PDE9A: variants seen among roughly 807,000 people sequenced by gnomAD.
PDE9A encodes phosphodiesterase 9A, also known as high affinity cGMP-specific 3',5'-cyclic phosphodiesterase 9A.
A neutral mutation model predicts 87.4 loss-of-function variants in PDE9A; 60 were observed. The observed-to-expected ratio is 0.69, with a 90% CI of 0.56 to 0.85. The LOEUF (loss-of-function observed/expected upper bound fraction) is 0.85. Among genes scored for constraint, PDE9A ranks in the 40% least tolerant of loss-of-function variants. The pLI is 0.00. For synonymous variants in PDE9A, 272 were observed against 279.4 expected (o/e 0.97, Z 0.27); for missense variants, 665 against 779.0 (o/e 0.85, Z 1.74).
intron 10 of PDE9A, chr21:42,758,674 TG>T (rs2055337094): frequency 3.3e-6 from 1 of 301,916 alleles, no homozygotes; most frequent in Non-Finnish European, 6.3e-6. Flanking sequence ...TGTGAACGGG[TG>T]CACTCTCTCA....
chr21:42,767,592 A>G (rs1219897099), intron 15 of PDE9A, among the ~76,000 whole-genome samples: 1 of 152,188 alleles, frequency 6.6e-6, no homozygotes, highest in Non-Finnish European at 1.5e-5. Context: ...TGCAGCCCGC[A>G]GCCCGGGGGC....
intron 1 of PDE9A, among the ~76,000 whole-genome samples, chr21:42,683,200 G>A (rs116143147): frequency 6.6e-6 from 1 of 152,064 alleles, no homozygotes; most frequent in Non-Finnish European, 1.5e-5. Flanking sequence ...GCCTCATGAA[G>A]CCAGCTGTTC....
At chr21:42,720,229 C>T (rs1237448507) in intron 4 of PDE9A, among the ~76,000 whole-genome samples, 3 of 152,250 alleles carry the variant, frequency 2.0e-5, no homozygotes, top group African/African-American at 7.2e-5. Context: ...CGCAGTGACT[C>T]ACGCCTGTAA....
chr21:42,742,425 G>C (rs984041815), intron 7 of PDE9A, among the ~76,000 whole-genome samples: 2 of 151,516 alleles, frequency 1.3e-5, no homozygotes, highest in African/African-American at 4.8e-5. Context: ...TGATTGGTCA[G>C]GGAGGAAATC....
At chr21:42,710,129 C>G (rs1037556541) in intron 4 of PDE9A, among the ~76,000 whole-genome samples, 1 of 151,146 alleles carries the variant, frequency 6.6e-6, no homozygotes, top group South Asian at 2.1e-4. Context: ...CAAGCTGGGC[C>G]GGGCACAGTG....
chr21:42,697,406 T>A (rs1406106852), intron 3 of PDE9A: 1 of 1,598,128 alleles, frequency 6.3e-7, no homozygotes, highest in Admixed American at 1.7e-5. Flanking sequence ...ACTGTGTTTC[T>A]TCTTCCAGGA....
intron 4 of PDE9A, among the ~76,000 whole-genome samples, chr21:42,712,345 T>C (rs1392638184): frequency 2.0e-5 from 3 of 152,236 alleles, no homozygotes; most frequent in Admixed American, 6.5e-5. Flanking sequence ...TTTATAAAAA[T>C]ATAATAGATT....
chr21:42,693,393 G>T (rs570187000), intron 3 of PDE9A, among the ~76,000 whole-genome samples: 1 of 151,454 alleles, frequency 6.6e-6, no homozygotes, highest in Non-Finnish European at 1.5e-5. Context: ...CTGCCTTCCG[G>T]GTTCACGCCA....
intron 1 of PDE9A, among the ~76,000 whole-genome samples, chr21:42,668,246 A>T (rs796547759): frequency 6.6e-6 from 1 of 151,362 alleles, no homozygotes; most frequent in South Asian, 2.1e-4. Flanking sequence ...CACCCTCCCC[A>T]TTCCTGCCAT....
At chr21:42,708,835 C>T (rs1341526181) in intron 4 of PDE9A, among the ~76,000 whole-genome samples, 2 of 152,182 alleles carry the variant, frequency 1.3e-5, no homozygotes, top group African/African-American at 2.4e-5. Flanking sequence ...GGATTACAGG[C>T]ATGAGCCACT....
intron 7 of PDE9A, among the ~76,000 whole-genome samples, chr21:42,735,134 A>G (rs1222892356): frequency 4.6e-5 from 7 of 152,232 alleles, no homozygotes; most frequent in Non-Finnish European, 8.8e-5. Flanking sequence ...TGCAGCAGCA[A>G]CAATTCCCCA....
chr21:42,737,097 C>T (rs1272946376), intron 7 of PDE9A, among the ~76,000 whole-genome samples: 2 of 152,226 alleles, frequency 1.3e-5, no homozygotes, highest in African/African-American at 2.4e-5. Context: ...TGGGTAGGTG[C>T]GCGCCCAGCT....
Position 42,722,501 on chromosome 21 carries a change from C to T in PDE9A, c.263-9269C>T, listed in dbSNP as rs1050088742. Among the ~76,000 whole-genome samples the T allele has an allele frequency of 2.0e-5, 3 of 152,176 alleles. No individual in the cohort carries two copies. Among genetic ancestry groups the T allele is most frequent in the Admixed American group, 6.5e-5 (1 of 15,272 alleles). Reference sequence around the variant, plus strand: ...CATGAGCTCCCAGGCCACACACACACGCCCTTGTGATGTATTATTCCCTCT... The same window carrying T: ...CATGAGCTCCCAGGCCACACACACATGCCCTTGTGATGTATTATTCCCTCT... On this transcript the variant is annotated intron_variant, in intron 4 of 19. Transcript: ENST00000291539. The surrounding 1 kb of genome is among the most constrained non-coding windows in gnomAD (Gnocchi z 4.1).
intron 4 of PDE9A, chr21:42,701,229 A>ATTT (rs150228638): frequency 1.3e-5 from 2 of 152,068 alleles, no homozygotes; most frequent in African/African-American, 4.8e-5. Flanking sequence ...CTGCAAATGG[A>ATTT]CTTTTTTTTC....
At chr21:42,671,861 G>C (rs1168600351) in intron 1 of PDE9A, among the ~76,000 whole-genome samples, 2 of 152,312 alleles carry the variant, frequency 1.3e-5, no homozygotes, top group Admixed American at 1.3e-4. Context: ...CTCAAAGATA[G>C]AAATGTGTGA....
intron 1 of PDE9A, among the ~76,000 whole-genome samples, chr21:42,656,482 G>T (rs2057082662): frequency 6.6e-6 from 1 of 152,260 alleles, no homozygotes. Context: ...AGTTGTCTGA[G>T]GGAGGCCCCG....
intron 1 of PDE9A, among the ~76,000 whole-genome samples, chr21:42,658,578 C>T (rs966004186): frequency 1.5e-4 from 23 of 152,236 alleles, no homozygotes; most frequent in Admixed American, 3.9e-4. Context: ...TCAGCCCACA[C>T]GCGCAGTGCC....
chr21:42,724,046 A>T (rs1366166224), intron 4 of PDE9A, among the ~76,000 whole-genome samples: 1 of 152,198 alleles, frequency 6.6e-6, no homozygotes, highest in African/African-American at 2.4e-5. Flanking sequence ...TTGCAATTGA[A>T]AACTGTTTGT....
intron 7 of PDE9A, among the ~76,000 whole-genome samples, chr21:42,735,770 G>A (rs1419115423): frequency 6.6e-6 from 1 of 152,128 alleles, no homozygotes; most frequent in African/African-American, 2.4e-5. Flanking sequence ...ATCTGCCAAG[G>A]ACCTTTTTCT....
Sources: allele counts gnomAD v4.1 joint callset (sites outside exome capture counted in the v4.1 genomes callset), GRCh38; gene constraint gnomAD v4.1.1; non-coding constraint Gnocchi (gnomAD v3.1); transcripts MANE v1.5; gene names NCBI Gene and HGNC (gene_info 2026-07-23, HGNC 2026-07-21).